TRPC7: variants seen among roughly 807,000 people sequenced by gnomAD.
TRPC7 encodes short transient receptor potential channel 7.
In TRPC7, 42 loss-of-function variants were observed where a neutral mutation model predicts 90.1. That is an observed-to-expected ratio of 0.47 (90% CI 0.36 to 0.60). TRPC7 has a LOEUF of 0.60. Among genes scored for constraint, TRPC7 ranks in the 20% least tolerant of loss-of-function variants. TRPC7 has a pLI of 0.00. For missense variants in TRPC7, 955 were observed against 1,112.3 expected (o/e 0.86, Z 2.01); for synonymous variants, 451 against 436.3 (o/e 1.03, Z -0.42).
At chr5:136,301,369 A>C (rs1462227753) in intron 3 of TRPC7, among the ~76,000 whole-genome samples, 1 of 120,274 alleles carries the variant, frequency 8.3e-6, no homozygotes. Context: ...TTAACAAATC[A>C]TAGTTGTCAG....
At chr5:136,360,572 A>C (rs1378432171) in intron 1 of TRPC7, among the ~76,000 whole-genome samples, 2 of 152,200 alleles carry the variant, frequency 1.3e-5, no homozygotes, top group Non-Finnish European at 2.9e-5. Flanking sequence ...AGACACCCAG[A>C]TGTAGTAAGA....
intron 7 of TRPC7, among the ~76,000 whole-genome samples, chr5:136,236,798 T>G (rs538196041): frequency 1.8e-4 from 27 of 152,286 alleles, no homozygotes; most frequent in African/African-American, 6.5e-4. Flanking sequence ...AATTGCTGCT[T>G]CTTCAGAATG....
At chr5:136,303,681 A>G (rs1251006181) in intron 3 of TRPC7, 1 of 151,944 alleles carries the variant, frequency 6.6e-6, no homozygotes, top group Non-Finnish European at 1.5e-5. Flanking sequence ...ACTGAAAATC[A>G]GACTGTTCAA....
At chr5:136,239,337 G>C (rs930767353) in intron 7 of TRPC7, among the ~76,000 whole-genome samples, 9 of 152,208 alleles carry the variant, frequency 5.9e-5, no homozygotes, top group African/African-American at 2.2e-4. Context: ...AACTTTCACA[G>C]TGTAATAAAG....
intron 3 of TRPC7, among the ~76,000 whole-genome samples, chr5:136,302,942 T>A (rs1489655318): frequency 3.3e-5 from 5 of 151,968 alleles, no homozygotes; most frequent in African/African-American, 1.2e-4. Context: ...ATCTTCCCTT[T>A]CTACAGACCT....
rs145193970 is a variant in TRPC7 at position 136,232,726 on chromosome 5, A to G, written c.1845-1177T>C. Among the ~76,000 whole-genome samples, 542 of 152,348 alleles carry G rather than the reference A, an allele frequency of 3.6e-3. 3 individuals carry two copies. The highest frequency in any genetic ancestry group is 0.012 in the East Asian group (60 of 5,178). ...ATGGGCATGACACTGTATCAGGCTGATGACCTAGAATCGAATAAGAAAGCT... is the reference window on the plus strand; with the variant it reads ...ATGGGCATGACACTGTATCAGGCTGGTGACCTAGAATCGAATAAGAAAGCT... On this transcript the variant is annotated intron_variant, in intron 7 of 11. Transcript: ENST00000513104.
chr5:136,216,067 A>G, intron 11 of TRPC7, 133 bp downstream of exon 11: 2 of 711,716 alleles, frequency 2.8e-6, no homozygotes, highest in East Asian at 2.7e-5. Context: ...CTGAATGAGC[A>G]AGGAGACTGA....
At chr5:136,329,051 C>T (rs1759422940) in intron 2 of TRPC7, among the ~76,000 whole-genome samples, 1 of 152,256 alleles carries the variant, frequency 6.6e-6, no homozygotes, top group South Asian at 2.1e-4. Flanking sequence ...TCTGCTGGCA[C>T]ATTGGTCTCC....
At chr5:136,324,028 AT>A (rs1267183903) in intron 2 of TRPC7, among the ~76,000 whole-genome samples, 1 of 152,078 alleles carries the variant, frequency 6.6e-6, no homozygotes, top group African/African-American at 2.4e-5. Flanking sequence ...GTTTTCACAT[AT>A]GTTTTATAAA....
At chr5:136,298,372 T>C (rs890639578) in intron 3 of TRPC7, among the ~76,000 whole-genome samples, 43 of 151,980 alleles carry the variant, frequency 2.8e-4, no homozygotes, top group African/African-American at 9.7e-4. Flanking sequence ...TGGTGTGAGG[T>C]GAGTTAGACA....
chr5:136,300,966 A>G lies in TRPC7; in HGVS notation c.963+14631T>C, dbSNP rs138287805. Reference sequence around the variant, plus strand: ...GTAGAATCATTAAAGAGCCTTTAAAAAACACCAATTGCTGTGCTCCCACCC... The same window carrying G: ...GTAGAATCATTAAAGAGCCTTTAAAGAACACCAATTGCTGTGCTCCCACCC... On this transcript the variant is annotated intron_variant, in intron 3 of 11. Coordinates refer to ENST00000513104, the MANE Select transcript of TRPC7 (RefSeq NM_020389.3). 4.6e-5 allele frequency among the ~76,000 whole-genome samples: 7 copies of G among 152,342 alleles called. No homozygotes were observed. The East Asian group carries it at 1.3e-3, about 29-fold the overall frequency.
chr5:136,224,755 G>A (rs1486597545), intron 10 of TRPC7, among the ~76,000 whole-genome samples: 1 of 152,084 alleles, frequency 6.6e-6, no homozygotes, highest in Non-Finnish European at 1.5e-5. Context: ...CCCCCATCCT[G>A]ACAGTGGTCT....
chr5:136,346,633 C>T (rs1326553797), intron 2 of TRPC7, among the ~76,000 whole-genome samples: 2 of 152,128 alleles, frequency 1.3e-5, no homozygotes, highest in African/African-American at 2.4e-5. Context: ...TGGTCAATAA[C>T]CAAGAAATTA....
At chr5:136,263,306 G>A (rs891367739) in intron 5 of TRPC7, among the ~76,000 whole-genome samples, 1 of 152,150 alleles carries the variant, frequency 6.6e-6, no homozygotes, top group Non-Finnish European at 1.5e-5. Flanking sequence ...GCTTTACATG[G>A]ATCAAACTCA....
At chr5:136,262,612 C>G (rs1364567819) in intron 5 of TRPC7, among the ~76,000 whole-genome samples, 1 of 152,160 alleles carries the variant, frequency 6.6e-6, no homozygotes, top group Non-Finnish European at 1.5e-5. Context: ...TTCTTTTAGG[C>G]TTGATAATGT....
At chr5:136,276,523 A>G (rs963580843) in intron 3 of TRPC7, among the ~76,000 whole-genome samples, 1 of 152,198 alleles carries the variant, frequency 6.6e-6, no homozygotes, top group Non-Finnish European at 1.5e-5. Context: ...CATGTTTCCC[A>G]TTTCTGTGAA....
chr5:136,352,048 G>T (rs1293488804), intron 2 of TRPC7, among the ~76,000 whole-genome samples: 1 of 152,210 alleles, frequency 6.6e-6, no homozygotes, highest in African/African-American at 2.4e-5. Context: ...TCAACAGGAA[G>T]AGCCTTCTTA....
chr5:136,336,586 T>A (rs1759673092), intron 2 of TRPC7, among the ~76,000 whole-genome samples: 1 of 152,032 alleles, frequency 6.6e-6, no homozygotes, highest in Non-Finnish European at 1.5e-5. Context: ...TGTATACATG[T>A]GCCACGTTGG....
At chr5:136,337,300 AT>A (rs1759700165) in intron 2 of TRPC7, among the ~76,000 whole-genome samples, 1 of 152,130 alleles carries the variant, frequency 6.6e-6, no homozygotes, top group African/African-American at 2.4e-5. Context: ...CTTGCTCCTG[AT>A]TTTTTTAGCT....
Sources: gnomAD v4.1 joint callset for allele counts (sites outside exome capture counted in the v4.1 genomes callset) on GRCh38, gnomAD v4.1.1 for gene constraint, MANE v1.5 for transcripts, NCBI Gene and HGNC (gene_info 2026-07-23, HGNC 2026-07-21) for gene names.